The following SOX30 variants were observed in gnomAD, a reference collection of about 807,000 sequenced individuals.
SOX30 encodes transcription factor SOX-30.
SOX30 carries 17 observed loss-of-function variants against 58.6 expected under a neutral mutation model. That is an observed-to-expected ratio of 0.29 (90% CI 0.20 to 0.44). SOX30 has a LOEUF of 0.44. SOX30 is among the 20% of genes least tolerant of loss of function. The pLI, the probability that SOX30 is intolerant of heterozygous loss-of-function variation, is 1.00. For synonymous variants in SOX30, 421 were observed against 400.2 expected (o/e 1.05, Z -0.62); for missense variants, 951 against 965.8 (o/e 0.98, Z 0.20).
rs1245441104 is a variant in SOX30 at position 157,625,693 on chromosome 5, T to A, written c.*647A>T. On this transcript the variant is annotated 3_prime_UTR_variant, in exon 5 of 5. Transcript: ENST00000265007. ...CATCCAACAAGAACAATTTTATCTA[T>A]GTTTATTTAATTACAACAAAGAACG... The A allele has an allele frequency of 2.6e-5, 4 of 152,730 alleles. No homozygotes were observed. Among genetic ancestry groups the A allele is most frequent in the African/African-American group, 9.6e-5 (4 of 41,588 alleles). The allele number at this position is 152,730 out of a possible 1,614,324, so 9.5% of individuals were successfully genotyped here.
chr5:157,669,881 A>G (rs566003079), intron 1 of SOX30, among the ~76,000 whole-genome samples: 29 of 152,244 alleles, frequency 1.9e-4, no homozygotes, highest in Non-Finnish European at 4.0e-4. Flanking sequence ...TTCTGAGGCT[A>G]CTAAAGAGAA....
intron 4 of SOX30, among the ~76,000 whole-genome samples, chr5:157,631,047 T>TTTTA (rs1457364721): frequency 1.9e-5 from 1 of 53,276 alleles, no homozygotes; most frequent in Non-Finnish European, 3.8e-5. Context: ...TATATATATT[T>TTTTA]TATATATATA....
In SOX30 at chr5:157,651,912, C is replaced by T; in HGVS notation, c.167G>A (p.Gly56Glu). Residue 56 changes from glycine (G) to glutamate (E), a missense_variant, in exon 1 of 5, where the codon GGG becomes GAG. Transcript: ENST00000265007. ...CTGTAAGCCGGACGCCACTGCCTCC[C>T]CGCACGACGAGGCCAAGGTCGCACT... ...AASATLASSC[G>E]EAVASGLQPA... 3 of 1,518,688 alleles carry T rather than the reference C, an allele frequency of 2.0e-6. No homozygotes were observed. Among genetic ancestry groups the T allele is most frequent in the African/African-American group, 2.7e-5 (2 of 72,856 alleles). 94.1% of individuals were successfully genotyped at this position (1,518,688 alleles called of 1,614,324 possible).
chr5:157,627,238 C>T (rs1250964358), intron 4 of SOX30, among the ~76,000 whole-genome samples: 2 of 152,136 alleles, frequency 1.3e-5, no homozygotes, highest in African/African-American at 2.4e-5. Flanking sequence ...TGGTGCATGC[C>T]TGTAGTCCCA....
At chr5:157,663,479 A>G (rs1342521517) in intron 2 of SOX30, among the ~76,000 whole-genome samples, 2 of 152,310 alleles carry the variant, frequency 1.3e-5, no homozygotes, top group African/African-American at 4.8e-5. Flanking sequence ...ATTTATGACA[A>G]ACCCACAGCC....
chr5:157,635,396 G>C lies in SOX30; in HGVS notation c.1880+2834C>G, dbSNP rs185024547. 2.4e-3 allele frequency among the ~76,000 whole-genome samples: 362 copies of C among 152,278 alleles called. 3 individuals are homozygous for C. Among genetic ancestry groups the C allele is most frequent in the African/African-American group, 8.4e-3 (350 of 41,558 alleles). ...CCCAGTAGTTTGGGAGGCTGAGGCA[G>C]GTGGATCACCTGAGGTCAGGAGTTC... is the stretch of plus-strand genomic sequence containing the variant. On this transcript the variant is annotated intron_variant, in intron 4 of 4. Transcript: ENST00000265007.
chr5:157,638,576 G>A lies in SOX30; in HGVS notation c.1534C>T (p.Arg512Cys), dbSNP rs571563119. ...LPVYPALPPQRFTGPSQTDTH... is the reference protein window; with the variant it reads ...LPVYPALPPQCFTGPSQTDTH... ...TCTGTTTGGGAAGGCCCAGTAAAGC[G>A]TTGGGGTGGGAGTGCTGGATAGACA... is the stretch of plus-strand genomic sequence containing the variant. The change falls in exon 4 of 5, where the codon CGC (arginine) becomes TGC (cysteine). Residue 512 changes from arginine (R) to cysteine (C), a missense_variant. By Grantham distance (180) the Arg-to-Cys change is radical. Around this residue, in one of 7 missense-constraint regions of SOX30, gnomAD observed 381 missense variants for 390.0 expected, o/e 0.98. Transcript: ENST00000265007. 2.5e-6 allele frequency: 4 copies of A among 1,614,168 alleles called. No homozygotes were observed. Among genetic ancestry groups the A allele is most frequent in the African/African-American group, 1.3e-5 (1 of 75,046 alleles).
chr5:157,651,917 C>G lies in SOX30; in HGVS notation c.162G>C (p.Ser54=). 6.6e-7 allele frequency: 1 copy of G among 1,515,070 alleles called. No individual in the cohort carries two copies. Among genetic ancestry groups the G allele is most frequent in the Non-Finnish European group, 8.8e-7 (1 of 1,136,240 alleles). 93.9% of individuals were successfully genotyped at this position (1,515,070 alleles called of 1,614,324 possible). A position where few individuals can be genotyped will look rare whatever the true frequency, so the allele number is the denominator to read the frequency against. Residue 54 remains serine, a synonymous_variant, in exon 1 of 5, where the codon TCG becomes TCC. Transcript: ENST00000265007. ...SAAASATLAS[S]CGEAVASGLQ... ...AGCCGGACGCCACTGCCTCCCCGCA[C>G]GACGAGGCCAAGGTCGCACTGGCTG... is the stretch of plus-strand genomic sequence containing the variant.
Position 157,652,092 on chromosome 5 carries a change from G to T in SOX30, c.-14C>A. On this transcript the variant is annotated 5_prime_UTR_variant, in exon 1 of 5. Transcript: ENST00000265007. ...GGCTCTCTCCATGGGGGAGGGGGACGCCCCGGCCAGGATTGTGAGCTCAGC... is the reference window on the plus strand; with the variant it reads ...GGCTCTCTCCATGGGGGAGGGGGACTCCCCGGCCAGGATTGTGAGCTCAGC... The T allele has an allele frequency of 7.2e-7, 1 of 1,396,234 alleles. No individual in the cohort carries two copies. Among genetic ancestry groups the T allele is most frequent in the Non-Finnish European group, 9.2e-7 (1 of 1,082,648 alleles). 86.5% of individuals were successfully genotyped at this position (1,396,234 alleles called of 1,614,324 possible). A position where few individuals can be genotyped will look rare whatever the true frequency, so the allele number is the denominator to read the frequency against.
intron 2 of SOX30, chr5:157,667,664 A>G (rs1000726258): frequency 8.1e-7 from 1 of 1,232,460 alleles, no homozygotes; most frequent in Non-Finnish European, 1.1e-6. Flanking sequence ...ACTTGAACCC[A>G]GGTCGCAGAG....
chr5:157,658,457 A>C lies in SOX30; in HGVS notation c.52+9341T>G, dbSNP rs139398131. Among the ~76,000 whole-genome samples the C allele has an allele frequency of 1.3e-3, 201 of 152,330 alleles. 2 individuals carry two copies. The East Asian group carries it at 0.017, about 13-fold the overall frequency. On this transcript the variant is annotated intron_variant, in intron 2 of 5. Transcript: ENST00000519442. ...GTGACATCTGACTGCTGCTCAGAAG[A>C]AACAAGAGGGATGGGTAATGTAAAA...
rs1758636182 is a variant in SOX30, at chr5:157,625,874, A to C, written c.*466T>G. 1 of 152,860 alleles carries C rather than the reference A, an allele frequency of 6.5e-6. No individual in the cohort carries two copies. The highest frequency in any genetic ancestry group is 1.5e-5 in the Non-Finnish European group (1 of 68,184). 9.5% of individuals were successfully genotyped at this position (152,860 alleles called of 1,614,324 possible). A position where few individuals can be genotyped will look rare whatever the true frequency, so the allele number is the denominator to read the frequency against. On this transcript the variant is annotated 3_prime_UTR_variant, in exon 5 of 5. Transcript: ENST00000265007. Reference sequence around the variant, plus strand: ...TAAGTTAAATTTAGCAACCAAGTCCAAGTTCACTAGGAGTTGTCAAAATAC... The same window carrying C: ...TAAGTTAAATTTAGCAACCAAGTCCCAGTTCACTAGGAGTTGTCAAAATAC...
chr5:157,657,874 T>C (rs1039363708), intron 2 of SOX30, among the ~76,000 whole-genome samples: 2 of 152,260 alleles, frequency 1.3e-5, no homozygotes, highest in African/African-American at 4.8e-5. Flanking sequence ...ACAGTGGTTA[T>C]TTTACCAACG....
intron 3 of SOX30, among the ~76,000 whole-genome samples, chr5:157,642,413 G>C (rs1167803802): frequency 6.6e-6 from 1 of 151,832 alleles, no homozygotes; most frequent in Non-Finnish European, 1.5e-5. Flanking sequence ...TTATGCGGTA[G>C]TAATCACAAC....
chr5:157,669,483 C>A (rs1330781920), intron 1 of SOX30, among the ~76,000 whole-genome samples: 2 of 122,916 alleles, frequency 1.6e-5, no homozygotes, highest in Non-Finnish European at 3.4e-5. Context: ...CCGCGCCCAT[C>A]AATTTTATTT....
exon 2 of SOX30, chr5:157,667,801 G>T: frequency 6.5e-7 from 1 of 1,534,850 alleles, no homozygotes. Context: ...TACAAACCTT[G>T]CTGGATGCAC....
chr5:157,656,847 G>A (rs1759482212), upstream of SOX30, among the ~76,000 whole-genome samples: 1 of 152,204 alleles, frequency 6.6e-6, no homozygotes, highest in Non-Finnish European at 1.5e-5. Flanking sequence ...AAAATTAATT[G>A]TAGGACATTC....
Position 157,667,755 on chromosome 5 carries a change from TACATACATAC to T in SOX30, c.52+33_52+42del, listed in dbSNP as rs753888667. 9.8e-6 allele frequency: 14 copies of T among 1,423,938 alleles called. No individual in the cohort carries two copies. The South Asian group carries it at 1.5e-4, about 16-fold the overall frequency. The allele number at this position is 1,423,938 out of a possible 1,614,324, so 88.2% of individuals were successfully genotyped here. On this transcript the variant is annotated intron_variant, in intron 2 of 5. Transcript: ENST00000519442. ...CTCCATCTCAGAATACATACATACATACATACATACACACACACACACACACACACACACA... is the reference window on the plus strand; with the variant it reads ...CTCCATCTCAGAATACATACATACATACACACACACACACACACACACACA...
At chr5:157,671,415 C>T (rs1198194742) in exon 1 of SOX30, 3 of 581,322 alleles carry the variant, frequency 5.2e-6, no homozygotes, top group African/African-American at 1.9e-5. Flanking sequence ...AATATTACCG[C>T]GTCCGTGGCC....
Sources: allele counts gnomAD v4.1 joint callset (sites outside exome capture counted in the v4.1 genomes callset), GRCh38; gene constraint gnomAD v4.1.1; regional missense constraint gnomAD v4.1.1; transcripts MANE v1.5; gene names NCBI Gene and HGNC (gene_info 2026-07-23, HGNC 2026-07-21).